LPCAT3: variants seen among roughly 807,000 people sequenced by gnomAD.
LPCAT3 encodes lysophospholipid acyltransferase 5.
A neutral mutation model predicts 63.4 loss-of-function variants in LPCAT3; 21 were observed. That is an observed-to-expected ratio of 0.33 (90% CI 0.23 to 0.48). The LOEUF (loss-of-function observed/expected upper bound fraction) is 0.48. Ranked by LOEUF, LPCAT3 falls within the 20% of genes least tolerant of loss-of-function variation. LPCAT3 has a pLI of 0.99. For synonymous variants in LPCAT3, 242 were observed against 227.5 expected (o/e 1.06, Z -0.58); for missense variants, 451 against 590.6 (o/e 0.76, Z 2.45).
At position 6,981,187 on chromosome 12, in the gene LPCAT3, GCC is replaced by G. The variant is rs1201801977; in HGVS notation, c.499-7_499-6del. ...TTGCTCAGAGGACAAGGAATTCTATGCCAAGAAGAGAATGCATGGTTCAGGAT... is the reference window on the plus strand; with the variant it reads ...TTGCTCAGAGGACAAGGAATTCTATGAAGAAGAGAATGCATGGTTCAGGAT... On this transcript the variant is annotated splice_polypyrimidine_tract_variant and splice_region_variant and intron_variant, in intron 5 of 12. Coordinates refer to ENST00000261407, the MANE Select transcript of LPCAT3 (RefSeq NM_005768.6). The G allele has an allele frequency of 6.2e-7, 1 of 1,601,822 alleles. No homozygotes were observed. Among genetic ancestry groups the G allele is most frequent in the Non-Finnish European group, 8.5e-7 (1 of 1,174,382 alleles).
intron 1 of LPCAT3, among the ~76,000 whole-genome samples, chr12:7,016,277 ATT>A (rs35468304): frequency 2.3e-4 from 31 of 133,460 alleles, no homozygotes; most frequent in East Asian, 2.1e-4. Context: ...TTTTTTATTA[ATT>A]TTTTTTTTTT....
At position 7,013,654 on chromosome 12, in the gene LPCAT3, A is replaced by G. The variant is rs145843728; in HGVS notation, c.151+4620T>C. Among the ~76,000 whole-genome samples the G allele has an allele frequency of 8.2e-3, 1,251 of 151,916 alleles. 12 individuals are homozygous for G. The highest frequency in any genetic ancestry group is 0.028 in the African/African-American group (1,173 of 41,422). ...GTAGATGACTGTGTCTACAGAATCTACCTTTCAAAAGGTTCCGGTATTCCT... is the reference window on the plus strand; with the variant it reads ...GTAGATGACTGTGTCTACAGAATCTGCCTTTCAAAAGGTTCCGGTATTCCT... On this transcript the variant is annotated intron_variant, in intron 1 of 12. Transcript: ENST00000261407.
At chr12:7,005,442 C>T (rs1555156801) in intron 1 of LPCAT3, among the ~76,000 whole-genome samples, 1 of 152,200 alleles carries the variant, frequency 6.6e-6, no homozygotes, top group African/African-American at 2.4e-5. Context: ...CTTTCAGTTC[C>T]CTTGGGTGTA....
At chr12:6,989,217 C>T (rs1368398669) in intron 1 of LPCAT3, among the ~76,000 whole-genome samples, 2 of 151,574 alleles carry the variant, frequency 1.3e-5, no homozygotes, top group African/African-American at 2.4e-5. Context: ...TATTAGCAGG[C>T]GAAGGATGAT....
At chr12:6,978,752 T>A in intron 7 of LPCAT3, 63 bp from the exon 8 acceptor site, 1 of 1,585,686 alleles carries the variant, frequency 6.3e-7, no homozygotes, top group Non-Finnish European at 8.6e-7. Context: ...CTCTCAGCAC[T>A]CTTCCTTTTC....
In LPCAT3 at chr12:6,979,484, G is replaced by T; in HGVS notation, c.773C>A (p.Thr258Asn). The T allele has an allele frequency of 6.2e-7, 1 of 1,612,006 alleles. No individual in the cohort carries two copies. The highest frequency in any genetic ancestry group is 8.5e-7 in the Non-Finnish European group (1 of 1,178,024). Residue 258 changes from threonine to asparagine, a missense_variant, in exon 7 of 13, where the codon ACT becomes AAT. Thr to Asn is a moderately conservative substitution (Grantham distance 65). Around this residue, in one of 3 missense-constraint regions of LPCAT3, gnomAD observed 304 missense variants for 390.8 expected, o/e 0.78. Transcript: ENST00000261407. ...GTAGACACTCACGTCATAGTCTTCA[G>T]TGAGGAGATAGTCTTCTGTGATGTG... ...SPHITEDYLL[T>N]EDYDNHPFWF...
Position 6,977,381 on chromosome 12 carries a change from C to G in LPCAT3, c.1333G>C (p.Asp445His). The change falls in exon 11 of 13, where the codon GAC (aspartate) becomes CAC (histidine). Residue 445 changes from aspartate to histidine, a missense_variant. This residue lies in a region of LPCAT3 where 304 missense variants were observed against 390.8 expected (regional missense o/e 0.78). Coordinates refer to ENST00000261407, the MANE Select transcript of LPCAT3 (RefSeq NM_005768.6). This position sits in a 1 kb window ranked among gnomAD's most constrained non-coding sequence, Gnocchi z 4.5. The part of the protein sequence containing the change: ...SMTAFCLFTW[D>H]KWLKVYKSIY... ...CCTTCACTTGCCTTAAGCCATTTGTCCCACGTGAAGAGGCAGAAGGCAGTC... is the reference window on the plus strand; with the variant it reads ...CCTTCACTTGCCTTAAGCCATTTGTGCCACGTGAAGAGGCAGAAGGCAGTC... 1 of 1,614,148 alleles carries G rather than the reference C, an allele frequency of 6.2e-7. No homozygotes were observed. Among genetic ancestry groups the G allele is most frequent in the Non-Finnish European group, 8.5e-7 (1 of 1,180,038 alleles).
intron 12 of LPCAT3, 41 bp from the exon 13 acceptor site, chr12:6,976,932 C>T (rs1946410354): frequency 3.8e-6 from 2 of 528,784 alleles, no homozygotes; most frequent in Admixed American, 6.3e-5. Context: ...TTAGTTACTC[C>T]TGTAATTCCT....
chr12:6,997,064 T>A (rs1263078841), intron 1 of LPCAT3, among the ~76,000 whole-genome samples: 1 of 152,218 alleles, frequency 6.6e-6, no homozygotes, highest in Non-Finnish European at 1.5e-5. Flanking sequence ...AAATTAAAGA[T>A]GTTTATGCCA....
chr12:7,018,361 C>T lies in LPCAT3; in HGVS notation c.64G>A (p.Gly22Ser). The T allele has an allele frequency of 6.2e-7, 1 of 1,612,496 alleles. No individual in the cohort carries two copies. The highest frequency in any genetic ancestry group is 1.7e-4 in the Middle Eastern group (1 of 6,060). ...VVALAGVLQSGFQELSLNKLA... is the reference protein window; with the variant it reads ...VVALAGVLQSSFQELSLNKLA... Reference sequence around the variant, plus strand: ...TTGTTAAGGCTCAGCTCCTGGAAACCCGACTGCAGAACCCCCGCCAGCGCC... The same window carrying T: ...TTGTTAAGGCTCAGCTCCTGGAAACTCGACTGCAGAACCCCCGCCAGCGCC... Residue 22 changes from glycine (G) to serine (S), a missense_variant, in exon 1 of 13, where the codon GGT (glycine) becomes AGT (serine). By Grantham distance (56) the Gly-to-Ser change is moderately conservative. Around this residue, in one of 3 missense-constraint regions of LPCAT3, gnomAD observed 133 missense variants for 152.1 expected, o/e 0.87. Transcript: ENST00000261407. This position sits in a 1 kb window ranked among gnomAD's most constrained non-coding sequence, Gnocchi z 4.9.
intron 1 of LPCAT3, among the ~76,000 whole-genome samples, chr12:7,007,557 C>T (rs758860424): frequency 2.8e-5 from 4 of 141,422 alleles, no homozygotes; most frequent in Admixed American, 7.4e-5. Context: ...TGCAATGGTA[C>T]GATCTCGGCT....
intron 1 of LPCAT3, among the ~76,000 whole-genome samples, chr12:7,013,380 C>A (rs897481868): frequency 8.5e-5 from 13 of 152,208 alleles, no homozygotes; most frequent in Middle Eastern, 3.2e-3. Context: ...AGGAGAGGCA[C>A]AGGATCGGAT....
rs1946420277 is a variant in LPCAT3, at chr12:6,977,510, G to C, written c.1204C>G (p.Gln402Glu). The C allele has an allele frequency of 6.2e-7, 1 of 1,614,068 alleles. No individual in the cohort carries two copies. The highest frequency in any genetic ancestry group is 1.1e-5 in the South Asian group (1 of 91,082). ...IVERQAARLI[Q>E]ESPTLSKLAA... ...AGCTTGCTCAGGGTGGGGCTCTCTT[G>C]AATGAGCCTGGCAGCCTGGGGAGGG... is the stretch of plus-strand genomic sequence containing the variant. Residue 402 changes from glutamine (Q) to glutamate (E), a missense_variant, in exon 11 of 13, where the codon CAA (glutamine) becomes GAA (glutamate). Gln to Glu is a conservative substitution (Grantham distance 29). Transcript: ENST00000261407. This position sits in a 1 kb window ranked among gnomAD's most constrained non-coding sequence, Gnocchi z 4.5.
At chr12:6,986,536 G>A (rs1946527553) in intron 1 of LPCAT3, among the ~76,000 whole-genome samples, 1 of 151,834 alleles carries the variant, frequency 6.6e-6, no homozygotes, top group African/African-American at 2.4e-5. Flanking sequence ...TGTAATCTCA[G>A]CACTTTGGGA....
chr12:6,977,662 C>T lies in LPCAT3; in HGVS notation c.1124G>A (p.Gly375Asp). Reference sequence around the variant, plus strand: ...GCAGACCAGGTATCCTGAGTGCAGGCCGTGCCAGAGGGCCAGGAATAGCAA... The same window carrying T: ...GCAGACCAGGTATCCTGAGTGCAGGTCGTGCCAGAGGGCCAGGAATAGCAA... ...LSLLFLALWH[G>D]LHSGYLVCFQ... Residue 375 changes from glycine to aspartate, a missense_variant, in exon 10 of 13, where the codon GGC becomes GAC. By Grantham distance (94) the Gly-to-Asp change is moderately conservative. Around this residue, in one of 3 missense-constraint regions of LPCAT3, gnomAD observed 304 missense variants for 390.8 expected, o/e 0.78. Transcript: ENST00000261407. This position sits in a 1 kb window ranked among gnomAD's most constrained non-coding sequence, Gnocchi z 4.5. 1 of 1,614,230 alleles carries T rather than the reference C, an allele frequency of 6.2e-7. No individual in the cohort carries two copies. The highest frequency in any genetic ancestry group is 8.5e-7 in the Non-Finnish European group (1 of 1,180,032).
At position 6,978,647 on chromosome 12, in the gene LPCAT3, C is replaced by G; in HGVS notation, c.829G>C (p.Gly277Arg). 1 of 1,614,128 alleles carries G rather than the reference C, an allele frequency of 6.2e-7. No individual in the cohort carries two copies. The highest frequency in any genetic ancestry group is 8.5e-7 in the Non-Finnish European group (1 of 1,180,020). The change falls in exon 8 of 13, where the codon GGC becomes CGC. Residue 277 changes from glycine to arginine, a missense_variant. By Grantham distance (125) the Gly-to-Arg change is moderately radical. Coordinates refer to ENST00000261407, the MANE Select transcript of LPCAT3 (RefSeq NM_005768.6). ...WFRCMYMLIW[G>R]KFVLYKYVTC... is the part of the protein sequence containing the mutation. The stretch of plus-strand genomic sequence containing the variant: ...ACATATTTGTACAGCACAAACTTGC[C>G]CCAGATCAGCATGTACATGCAGCGG...
At chr12:7,000,002 C>T (rs1946670792) in intron 1 of LPCAT3, among the ~76,000 whole-genome samples, 2 of 148,938 alleles carry the variant, frequency 1.3e-5, no homozygotes, top group African/African-American at 5.0e-5. Context: ...TCACTGAAAC[C>T]TCTGCCTCTC....
chr12:6,983,024 C>T (rs1555154343), intron 2 of LPCAT3: 4 of 588,820 alleles, frequency 6.8e-6, no homozygotes, highest in South Asian at 6.3e-5. Flanking sequence ...CTCTGTTGTC[C>T]AGACTTGAGT....
rs782553663 is a variant in LPCAT3, at chr12:7,018,243, G to C, written c.151+31C>G. 1.3e-6 allele frequency: 2 copies of C among 1,575,152 alleles called. No homozygotes were observed. The highest frequency in any genetic ancestry group is 2.3e-5 in the East Asian group (1 of 43,200). ...CTCCCCTACTCCCCGGGGACTCCGCGAGGGGCGGAGGGAGGCAGGAGGGTC... is the reference window on the plus strand; with the variant it reads ...CTCCCCTACTCCCCGGGGACTCCGCCAGGGGCGGAGGGAGGCAGGAGGGTC... On this transcript the variant is annotated intron_variant, in intron 1 of 12. Transcript: ENST00000261407. This position sits in a 1 kb window ranked among gnomAD's most constrained non-coding sequence, Gnocchi z 4.9.
Sources: allele counts gnomAD v4.1 joint callset (sites outside exome capture counted in the v4.1 genomes callset), GRCh38; gene constraint gnomAD v4.1.1; regional missense constraint gnomAD v4.1.1; non-coding constraint Gnocchi (gnomAD v3.1); transcripts MANE v1.5; gene names NCBI Gene and HGNC (gene_info 2026-07-23, HGNC 2026-07-21).